The following GRAP2 variants were observed in gnomAD, a reference collection of about 807,000 sequenced individuals.
GRAP2 encodes the protein GRB2-related adapter protein 2.
Under a neutral mutation model 43.5 loss-of-function variants are expected in GRAP2, and 31 were observed. That is an observed-to-expected ratio of 0.71 (90% CI 0.54 to 0.96). The LOEUF is 0.96. Among genes scored for constraint, GRAP2 ranks in the 40% least tolerant of loss-of-function variants. The probability of loss-of-function intolerance (pLI) is 0.00; values close to 1 mark genes in which losing one functional copy is unlikely to be tolerated. For synonymous variants in GRAP2, 156 were observed against 164.8 expected (o/e 0.95, Z 0.41); for missense variants, 371 against 424.4 (o/e 0.87, Z 1.11).
intron 6 of GRAP2, 176 bp downstream of exon 6, chr22:39,968,448 C>A: frequency 1.7e-6 from 1 of 598,734 alleles, no homozygotes; most frequent in Non-Finnish European, 2.9e-6. Flanking sequence ...AATTAAATGG[C>A]TCCCACCTGA....
intron 1 of GRAP2, among the ~76,000 whole-genome samples, chr22:39,940,634 C>T (rs2066858828): frequency 6.6e-6 from 1 of 152,022 alleles, no homozygotes; most frequent in Admixed American, 6.5e-5. Flanking sequence ...CAAAGAATAA[C>T]ACACAGTAGG....
chr22:39,939,621 A>G (rs1384608013), intron 1 of GRAP2, among the ~76,000 whole-genome samples: 1 of 150,938 alleles, frequency 6.6e-6, no homozygotes, highest in African/African-American at 2.4e-5. Flanking sequence ...GGTCCAATTA[A>G]GCAGAGGAAC....
intron 1 of GRAP2, among the ~76,000 whole-genome samples, chr22:39,946,061 A>G (rs1394485919): frequency 2.0e-5 from 3 of 152,180 alleles, no homozygotes; most frequent in Non-Finnish European, 2.9e-5. Flanking sequence ...GGGTTTTGCC[A>G]TGTTGGCCAG....
chr22:39,961,060 C>T (rs1354368858), intron 4 of GRAP2: 3 of 152,122 alleles, frequency 2.0e-5, no homozygotes, highest in Non-Finnish European at 4.4e-5. Context: ...ATCTTCCCAC[C>T]TCAGCCTCTC....
Position 39,969,325 on chromosome 22 carries a change from T to C in GRAP2, c.691-86T>C. On this transcript the variant is annotated intron_variant, in intron 6 of 7. Transcript: ENST00000344138. ...GTATTCCTGGAATATACCGGCTCTGTGGATGGCATCTGAGCAAGGCACTGG... is the reference window on the plus strand; with the variant it reads ...GTATTCCTGGAATATACCGGCTCTGCGGATGGCATCTGAGCAAGGCACTGG... 2.1e-6 allele frequency: 3 copies of C among 1,434,336 alleles called. No individual in the cohort carries two copies. The South Asian group carries it at 3.5e-5, about 17-fold the overall frequency. The allele number at this position is 1,434,336 out of a possible 1,614,324, so 88.9% of individuals were successfully genotyped here. A position where few individuals can be genotyped will look rare whatever the true frequency, so the allele number is the denominator to read the frequency against.
chr22:39,956,239 C>G (rs1470376184), intron 3 of GRAP2, among the ~76,000 whole-genome samples: 1 of 150,898 alleles, frequency 6.6e-6, no homozygotes, highest in Non-Finnish European at 1.5e-5. Flanking sequence ...CTCACTGCAG[C>G]CTAAAACTCC....
rs1347573041 is a variant in GRAP2 at position 39,968,231 on chromosome 22, C to T, written c.649C>T (p.Pro217Ser). Reference protein sequence around the residue: ...YAPAPQQLQQPPQQRYLQHHH... With the variant: ...YAPAPQQLQQSPQQRYLQHHH... ...CCCAGCGCCCCAGCAGCTGCAGCAG[C>T]CCCCACAGCAGCGATATCTGCAGCA... Residue 217 changes from proline (P) to serine (S), a missense_variant, in exon 6 of 8, where the codon CCC becomes TCC. Transcript: ENST00000344138. 4 of 1,601,284 alleles carry T rather than the reference C, an allele frequency of 2.5e-6. No homozygotes were observed. The highest frequency in any genetic ancestry group is 1.1e-5 in the South Asian group (1 of 90,784).
In GRAP2 at chr22:39,955,814, T is replaced by C. The variant is rs369807183; in HGVS notation, c.79-5T>C. On this transcript the variant is annotated splice_region_variant and splice_polypyrimidine_tract_variant and intron_variant, in intron 2 of 7. Coordinates refer to ENST00000344138, the MANE Select transcript of GRAP2 (RefSeq NM_004810.4). ...TGTCTTTGTCTTTCCTTTTCTTCCA[T>C]GTAGATTTTAAGTAACCAAGAGGAG... 35 of 1,455,738 alleles carry C rather than the reference T, an allele frequency of 2.4e-5. 1 individual carries two copies. The highest frequency in any genetic ancestry group is 5.0e-5 in the Admixed American group (3 of 59,822). The allele number at this position is 1,455,738 out of a possible 1,614,324, so 90.2% of individuals were successfully genotyped here. A position where few individuals can be genotyped will look rare whatever the true frequency, so the allele number is the denominator to read the frequency against.
chr22:39,936,030 G>A (rs1382891566), intron 1 of GRAP2, among the ~76,000 whole-genome samples: 2 of 151,760 alleles, frequency 1.3e-5, no homozygotes, highest in Admixed American at 6.6e-5. Flanking sequence ...AAGGGAAGAG[G>A]GAAAAAAAGA....
At position 39,971,909 on chromosome 22, in the gene GRAP2, G is replaced by A. The variant is rs533501595; in HGVS notation, c.*825G>A. The A allele has an allele frequency of 6.6e-6, 1 of 152,340 alleles. No homozygotes were observed. The highest frequency in any genetic ancestry group is 2.4e-5 in the African/African-American group (1 of 41,582). The allele number at this position is 152,340 out of a possible 1,614,324, so 9.4% of individuals were successfully genotyped here. A position where few individuals can be genotyped will look rare whatever the true frequency, so the allele number is the denominator to read the frequency against. On this transcript the variant is annotated 3_prime_UTR_variant, in exon 8 of 8. Coordinates refer to ENST00000344138, the MANE Select transcript of GRAP2 (RefSeq NM_004810.4). ...GCTTGAAGAAGCTCTAGCTGAGAATGCTGAATTTTACAGTCATTGTTTTAT... is the reference window on the plus strand; with the variant it reads ...GCTTGAAGAAGCTCTAGCTGAGAATACTGAATTTTACAGTCATTGTTTTAT...
At chr22:39,925,838 C>T (rs1569197862) in intron 1 of GRAP2, among the ~76,000 whole-genome samples, 1 of 152,234 alleles carries the variant, frequency 6.6e-6, no homozygotes, top group South Asian at 2.1e-4. Context: ...TTTTCCACAA[C>T]ACCCTATCAG....
intron 2 of GRAP2, among the ~76,000 whole-genome samples, chr22:39,952,798 A>G (rs1569210296): frequency 6.6e-6 from 1 of 152,194 alleles, no homozygotes; most frequent in Non-Finnish European, 1.5e-5. Context: ...TCATAAGAAT[A>G]CCACATTTGA....
At chr22:39,902,320 G>C (rs1405182373) in intron 1 of GRAP2, among the ~76,000 whole-genome samples, 1 of 151,938 alleles carries the variant, frequency 6.6e-6, no homozygotes, top group South Asian at 2.1e-4. Flanking sequence ...TCTTATTTTT[G>C]GTTTCGGAAA....
At chr22:39,969,240 A>C (rs1274011914) in intron 6 of GRAP2, 171 bp from the exon 7 acceptor site, 6 of 652,068 alleles carry the variant, frequency 9.2e-6, no homozygotes, top group Non-Finnish European at 1.6e-5. Context: ...TTCAGAATCT[A>C]AGGTGCCTTT....
chr22:39,955,756 C>T, intron 2 of GRAP2, 63 bp from the exon 3 acceptor site: 1 of 836,294 alleles, frequency 1.2e-6, no homozygotes, highest in Non-Finnish European at 2.1e-6. Flanking sequence ...CTGGCAGCCC[C>T]TTTCTCTTGT....
Position 39,971,150 on chromosome 22 carries a change from C to T in GRAP2, c.*66C>T. The T allele has an allele frequency of 1.6e-6, 2 of 1,266,586 alleles. No homozygotes were observed. Among genetic ancestry groups the T allele is most frequent in the Admixed American group, 2.1e-5 (1 of 48,082 alleles). 78.5% of individuals were successfully genotyped at this position (1,266,586 alleles called of 1,614,324 possible). Reference sequence around the variant, plus strand: ...CAAGAAAGAGGGCAAGGAAAAAAGGCTGGACTCCATGACTATATATACATA... The same window carrying T: ...CAAGAAAGAGGGCAAGGAAAAAAGGTTGGACTCCATGACTATATATACATA... On this transcript the variant is annotated 3_prime_UTR_variant, in exon 8 of 8. Transcript: ENST00000344138.
chr22:39,905,475 C>T (rs772994687), intron 1 of GRAP2, among the ~76,000 whole-genome samples: 2 of 151,894 alleles, frequency 1.3e-5, no homozygotes, highest in Non-Finnish European at 1.5e-5. Context: ...TGAACTGGGA[C>T]GAGTTATTCT....
At chr22:39,968,742 T>A (rs1051149652) in intron 6 of GRAP2, 2 of 163,212 alleles carry the variant, frequency 1.2e-5, no homozygotes. Context: ...CCAGATAACA[T>A]CATTCCTGAA....
chr22:39,934,435 T>C (rs552361573), intron 1 of GRAP2, among the ~76,000 whole-genome samples: 1 of 152,120 alleles, frequency 6.6e-6, no homozygotes, highest in African/African-American at 2.4e-5. Context: ...CCATTTATTA[T>C]AAAACAAAAA....
Sources: gnomAD v4.1 joint callset for allele counts (sites outside exome capture counted in the v4.1 genomes callset) on GRCh38, gnomAD v4.1.1 for gene constraint, MANE v1.5 for transcripts, NCBI Gene and HGNC (gene_info 2026-07-23, HGNC 2026-07-21) for gene names.